CEP63: variants seen among roughly 807,000 people sequenced by gnomAD.
CEP63 encodes centrosomal protein 63.
Under a neutral mutation model 89.1 loss-of-function variants are expected in CEP63, and 84 were observed. That is an observed-to-expected ratio of 0.94 (90% CI 0.79 to 1.13). The LOEUF (loss-of-function observed/expected upper bound fraction) is 1.13. Among genes scored for constraint, CEP63 ranks in the 50% most tolerant of loss-of-function variants. CEP63 has a pLI of 0.00. For synonymous variants in CEP63, 267 were observed against 272.5 expected (o/e 0.98, Z 0.20); for missense variants, 838 against 813.3 (o/e 1.03, Z -0.37).
At chr3:134,632,257 A>T in the CEP63 span, among the ~76,000 whole-genome samples, 11 of 152,100 alleles carry the variant, frequency 7.2e-5, no homozygotes, top group African/African-American at 2.7e-4. Flanking sequence ...CTACACAATG[A>T]ATAAAATTTA....
chr3:134,537,242 C>G lies in CEP63; in HGVS notation c.529C>G (p.Leu177Val), dbSNP rs1388583833. 1.2e-6 allele frequency: 2 copies of G among 1,611,996 alleles called. No homozygotes were observed. The highest frequency in any genetic ancestry group is 1.3e-5 in the African/African-American group (1 of 74,884). ...VSSLEAQRKALAEQSEIIQAQ... is the reference protein window; with the variant it reads ...VSSLEAQRKAVAEQSEIIQAQ... The stretch of plus-strand genomic sequence containing the variant: ...TTCACTGGAGGCACAAAGGAAGGCT[C>G]TGGCTGAACAATCAGAGATAATTCA... The change falls in exon 6 of 15, where the codon CTG becomes GTG. Residue 177 changes from leucine to valine, a missense_variant. Coordinates refer to ENST00000675561, the MANE Select transcript of CEP63 (RefSeq NM_001353108.3).
At chr3:134,496,199 A>T (rs149010589) in intron 2 of CEP63, among the ~76,000 whole-genome samples, 1 of 151,838 alleles carries the variant, frequency 6.6e-6, no homozygotes, top group Non-Finnish European at 1.5e-5. Flanking sequence ...TATTGATGCT[A>T]TTTCAGTCAT....
At chr3:134,492,194 C>T (rs7627654) in intron 1 of CEP63, among the ~76,000 whole-genome samples, 1 of 150,736 alleles carries the variant, frequency 6.6e-6, no homozygotes, top group African/African-American at 2.4e-5. Flanking sequence ...CTGCCTCAGC[C>T]TCCCGTGTAG....
At chr3:134,658,793 T>C in the CEP63 span, among the ~76,000 whole-genome samples, 1 of 152,210 alleles carries the variant, frequency 6.6e-6, no homozygotes, top group Admixed American at 6.5e-5. Context: ...AGCTTGGTTC[T>C]GAGACAGCGC....
chr3:134,587,698 A>T (rs1299352297), exon 11 of CEP63, among the ~76,000 whole-genome samples: 1 of 152,146 alleles, frequency 6.6e-6, no homozygotes, highest in Non-Finnish European at 1.5e-5. Flanking sequence ...TCAGAGCTCA[A>T]ACACCATGCT....
At chr3:134,709,849 C>G in the CEP63 span, among the ~76,000 whole-genome samples, 1 of 152,098 alleles carries the variant, frequency 6.6e-6, no homozygotes, top group African/African-American at 2.4e-5. Flanking sequence ...TAGAGTGCAC[C>G]CGGCATTAAT....
rs1347508482 is a variant in CEP63 at position 134,559,350 on chromosome 3, C to T, written c.1874C>T (p.Ser625Leu). 5 of 1,613,970 alleles carry T rather than the reference C, an allele frequency of 3.1e-6. No homozygotes were observed. Among genetic ancestry groups the T allele is most frequent in the Non-Finnish European group, 4.2e-6 (5 of 1,179,940 alleles). ...YSLCKTHSLP[S>L]ALDTNEANFS... ...CTATGTAAAACTCATTCTTTGCCTTCAGCGCTAGATACAAATGAAGCCAAT... is the reference window on the plus strand; with the variant it reads ...CTATGTAAAACTCATTCTTTGCCTTTAGCGCTAGATACAAATGAAGCCAAT... Residue 625 changes from serine to leucine, a missense_variant, in exon 14 of 15, where the codon TCA becomes TTA. Transcript: ENST00000675561.
chr3:134,566,389 G>T (rs1301030011), downstream of CEP63, among the ~76,000 whole-genome samples: 1 of 152,052 alleles, frequency 6.6e-6, no homozygotes, highest in African/African-American at 2.4e-5. Flanking sequence ...TGGGGAGAAG[G>T]TTCATAATTT....
intron 3 of CEP63, among the ~76,000 whole-genome samples, chr3:134,509,548 A>G (rs1254523335): frequency 6.6e-6 from 1 of 152,152 alleles, no homozygotes; most frequent in African/African-American, 2.4e-5. Flanking sequence ...GATGGTTACA[A>G]ATTTTCCAGT....
intron 3 of CEP63, among the ~76,000 whole-genome samples, chr3:134,509,297 T>TAC (rs1422975187): frequency 6.6e-6 from 1 of 152,078 alleles, no homozygotes; most frequent in Non-Finnish European, 1.5e-5. Flanking sequence ...TGGGAGGTGC[T>TAC]ACACACTTCT....
At chr3:134,496,942 T>C (rs1198537777) in intron 2 of CEP63, among the ~76,000 whole-genome samples, 3 of 152,196 alleles carry the variant, frequency 2.0e-5, no homozygotes, top group Admixed American at 2.0e-4. Flanking sequence ...GCATTTGTTA[T>C]ATTTTGTCTT....
intron 3 of CEP63, chr3:134,510,394 C>T (rs1302658098): frequency 1.0e-5 from 2 of 194,290 alleles, no homozygotes; most frequent in Non-Finnish European, 2.1e-5. Context: ...CACCTGCAAT[C>T]CACCAGTCTG....
Position 134,562,238 on chromosome 3 carries a change from A to G in CEP63, c.*703A>G. On this transcript the variant is annotated 3_prime_UTR_variant, in exon 15 of 15. Coordinates refer to ENST00000675561, the MANE Select transcript of CEP63 (RefSeq NM_001353108.3). ...TGAGGACAAGTTTAGATGGGAGACA[A>G]AGATCTGGATGTTGATGTGCCGCAG... is the stretch of plus-strand genomic sequence containing the variant. 1.0e-6 allele frequency: 1 copy of G among 984,082 alleles called. No individual in the cohort carries two copies. Among genetic ancestry groups the G allele is most frequent in the African/African-American group, 1.7e-5 (1 of 57,310 alleles). 61.0% of individuals were successfully genotyped at this position (984,082 alleles called of 1,614,324 possible). A position where few individuals can be genotyped will look rare whatever the true frequency, so the allele number is the denominator to read the frequency against.
the CEP63 span, chr3:134,608,364 C>G: frequency 7.4e-7 from 1 of 1,354,864 alleles, no homozygotes; most frequent in East Asian, 3.8e-5. Flanking sequence ...CCTTCAAGTT[C>G]TAGGAAACCT....
At chr3:134,601,229 C>A in the CEP63 span, 2 of 147,564 alleles carry the variant, frequency 1.4e-5, no homozygotes, top group Non-Finnish European at 3.0e-5. Flanking sequence ...CTACAGCTGT[C>A]TTTACAAAGG....
chr3:134,636,416 T>C, the CEP63 span, among the ~76,000 whole-genome samples: 1 of 152,216 alleles, frequency 6.6e-6, no homozygotes, highest in Non-Finnish European at 1.5e-5. Flanking sequence ...AGAAGTGATG[T>C]TGCACAAATT....
the CEP63 span, among the ~76,000 whole-genome samples, chr3:134,773,726 CT>C: frequency 6.6e-6 from 1 of 152,138 alleles, no homozygotes; most frequent in Non-Finnish European, 1.5e-5. Context: ...TTTACATCCC[CT>C]GATTAAATGT....
the CEP63 span, among the ~76,000 whole-genome samples, chr3:134,726,459 G>GACACAC: frequency 2.1e-5 from 1 of 47,034 alleles, no homozygotes; most frequent in African/African-American, 5.5e-5. Context: ...CACACAGACA[G>GACACAC]ACACACACAC....
At chr3:134,487,493 TTTCTG>T (rs1192506977) in intron 1 of CEP63, among the ~76,000 whole-genome samples, 12 of 152,228 alleles carry the variant, frequency 7.9e-5, no homozygotes, top group African/African-American at 2.9e-4. Context: ...TGCTTAGTCC[TTTCTG>T]TTCTAATTTA....
Sources: allele counts gnomAD v4.1 joint callset (sites outside exome capture counted in the v4.1 genomes callset), GRCh38; gene constraint gnomAD v4.1.1; transcripts MANE v1.5; gene names NCBI Gene and HGNC (gene_info 2026-07-23, HGNC 2026-07-21).